Variants in SLIT3 observed in about 807,000 individuals in gnomAD.
The protein encoded by SLIT3 is slit guidance ligand 3.
Under a neutral mutation model 184.0 loss-of-function variants are expected in SLIT3, and 68 were observed. That is an observed-to-expected ratio of 0.37 (90% confidence interval 0.30 to 0.45). SLIT3 has a LOEUF of 0.45. Ranked by LOEUF, SLIT3 falls within the 20% of genes least tolerant of loss-of-function variation. SLIT3 has a pLI of 1.00. For synonymous variants in SLIT3, 831 were observed against 828.6 expected (o/e 1.00, Z -0.05); for missense variants, 1,707 against 2,026.0 (o/e 0.84, Z 3.02).
At chr5:168,976,279 A>T (rs1754754149) in intron 4 of SLIT3, among the ~76,000 whole-genome samples, 2 of 152,146 alleles carry the variant, frequency 1.3e-5, no homozygotes, top group African/African-American at 4.8e-5. Context: ...ACTCTTTTGC[A>T]AACTACAGGT....
chr5:168,743,793 T>A (rs1208966326), intron 20 of SLIT3, among the ~76,000 whole-genome samples: 3 of 152,176 alleles, frequency 2.0e-5, no homozygotes, highest in African/African-American at 7.2e-5. Context: ...AATATACACA[T>A]GAATCATGAG....
chr5:169,112,543 T>C (rs1206509357), intron 4 of SLIT3, among the ~76,000 whole-genome samples: 2 of 152,154 alleles, frequency 1.3e-5, no homozygotes, highest in Non-Finnish European at 2.9e-5. Context: ...AGGTCACTAA[T>C]AGTGTGAGCT....
At chr5:169,284,248 G>A (rs1263913337) in intron 1 of SLIT3, among the ~76,000 whole-genome samples, 1 of 152,172 alleles carries the variant, frequency 6.6e-6, no homozygotes, top group East Asian at 1.9e-4. Context: ...AAAGCCAACA[G>A]GGACAATTAA....
intron 5 of SLIT3, among the ~76,000 whole-genome samples, chr5:168,856,909 C>T (rs999974659): frequency 6.6e-6 from 1 of 151,782 alleles, no homozygotes; most frequent in Non-Finnish European, 1.5e-5. Flanking sequence ...TGCCTTTGAC[C>T]AGAAACCCCT....
intron 3 of SLIT3, among the ~76,000 whole-genome samples, chr5:169,198,525 C>A (rs182602163): frequency 2.3e-4 from 35 of 152,268 alleles, no homozygotes; most frequent in African/African-American, 8.2e-4. Flanking sequence ...AGCAGTCATA[C>A]CACAAAGGGC....
intron 12 of SLIT3, among the ~76,000 whole-genome samples, chr5:168,778,163 C>T (rs1052605887): frequency 6.6e-6 from 1 of 152,192 alleles, no homozygotes; most frequent in Non-Finnish European, 1.5e-5. Context: ...GCAGCATCCT[C>T]TCTACAGACT....
chr5:169,014,230 G>A (rs1756278381), intron 4 of SLIT3, among the ~76,000 whole-genome samples: 1 of 152,282 alleles, frequency 6.6e-6, no homozygotes, highest in Non-Finnish European at 1.5e-5. Context: ...CACTCAAGAA[G>A]ATAATTTTAT....
chr5:168,986,878 A>T (rs1755149711), intron 4 of SLIT3, among the ~76,000 whole-genome samples: 1 of 152,208 alleles, frequency 6.6e-6, no homozygotes, highest in Admixed American at 6.5e-5. Flanking sequence ...TGATATACAC[A>T]TTGTTTACAA....
chr5:169,032,230 CA>C (rs1262332547), intron 4 of SLIT3, among the ~76,000 whole-genome samples: 1 of 152,178 alleles, frequency 6.6e-6, no homozygotes, highest in Admixed American at 6.5e-5. Flanking sequence ...TCCATATATA[CA>C]AAGTAATTAT....
chr5:169,187,743 G>A (rs1200388780), intron 4 of SLIT3, among the ~76,000 whole-genome samples: 2 of 151,534 alleles, frequency 1.3e-5, no homozygotes, highest in Non-Finnish European at 2.9e-5. Context: ...TAGTAGAGAC[G>A]GGGTTTCACC....
rs28532125 is a variant in SLIT3 at position 168,663,291 on chromosome 5, G to A, written c.*3163C>T. 0.072 allele frequency: 10,959 copies of A among 151,862 alleles called. 1,320 individuals are homozygous for A. Among genetic ancestry groups the A allele is most frequent in the African/African-American group, 0.25 (10,315 of 41,078 alleles). The allele number at this position is 151,862 out of a possible 1,614,324, so 9.4% of individuals were successfully genotyped here. On this transcript the variant is annotated 3_prime_UTR_variant, in exon 36 of 36. Coordinates refer to ENST00000519560, the MANE Select transcript of SLIT3 (RefSeq NM_003062.4). ...ATCCACCTGCCTAGGGGGAGAGGGGGGATGGGGCAATGGAGGTGGGGATGG... is the reference window on the plus strand; with the variant it reads ...ATCCACCTGCCTAGGGGGAGAGGGGAGATGGGGCAATGGAGGTGGGGATGG...
chr5:169,102,263 T>A (rs528253412), intron 4 of SLIT3, among the ~76,000 whole-genome samples: 1 of 152,206 alleles, frequency 6.6e-6, no homozygotes, highest in Non-Finnish European at 1.5e-5. Context: ...CCCAGCCAAT[T>A]TGAGGCCACT....
At chr5:169,194,549 T>C (rs1205487502) in intron 3 of SLIT3, among the ~76,000 whole-genome samples, 1 of 152,202 alleles carries the variant, frequency 6.6e-6, no homozygotes, top group Non-Finnish European at 1.5e-5. Flanking sequence ...AATGCAAATA[T>C]ATTATTACAT....
chr5:169,069,320 G>T (rs923986166), intron 4 of SLIT3, among the ~76,000 whole-genome samples: 3 of 152,210 alleles, frequency 2.0e-5, no homozygotes, highest in African/African-American at 4.8e-5. Context: ...GGAGTGACAT[G>T]CACACGACAG....
chr5:168,705,745 G>A (rs1411964294), intron 26 of SLIT3, among the ~76,000 whole-genome samples: 1 of 152,192 alleles, frequency 6.6e-6, no homozygotes, highest in Non-Finnish European at 1.5e-5. Context: ...GACACTGACG[G>A]TCAGGTCATG....
rs1386146563 is a variant in SLIT3, at chr5:168,662,574, A to G, written c.*3880T>C. 1 of 152,264 alleles carries G rather than the reference A, an allele frequency of 6.6e-6. No homozygotes were observed. The highest frequency in any genetic ancestry group is 1.5e-5 in the Non-Finnish European group (1 of 68,052). The allele number at this position is 152,264 out of a possible 1,614,324, so 9.4% of individuals were successfully genotyped here. A position where few individuals can be genotyped will look rare whatever the true frequency, so the allele number is the denominator to read the frequency against. On this transcript the variant is annotated 3_prime_UTR_variant, in exon 36 of 36. Transcript: ENST00000519560. ...ATTGAAAAGGCAAAACTGTCTTCTA[A>G]CAAGGGCCTTTTGGCATGTCCATAA...
chr5:168,669,683 G>T, intron 35 of SLIT3, 100 bp downstream of exon 35: 1 of 939,862 alleles, frequency 1.1e-6, no homozygotes, highest in Non-Finnish European at 1.7e-6. Flanking sequence ...AGGTCATGCA[G>T]CCTTTAAGTG....
intron 1 of SLIT3, among the ~76,000 whole-genome samples, chr5:169,268,005 T>C (rs1452727268): frequency 6.6e-6 from 1 of 152,216 alleles, no homozygotes; most frequent in Non-Finnish European, 1.5e-5. Flanking sequence ...CAATGATTGC[T>C]GCAGGAATAT....
Position 169,047,805 on chromosome 5 carries a change from A to G in SLIT3, c.413+145674T>C, listed in dbSNP as rs1452529857. Among the ~76,000 whole-genome samples the G allele has an allele frequency of 3.9e-5, 6 of 152,048 alleles. No homozygotes were observed. The East Asian group carries it at 9.6e-4, about 24-fold the overall frequency. ...TCCCGCTGTGCTCTGGCAGACCAGG[A>G]TGTAGCTGTAGGTCTATGAGGGTCC... is the stretch of plus-strand genomic sequence containing the variant. On this transcript the variant is annotated intron_variant, in intron 4 of 35. Coordinates refer to ENST00000519560, the MANE Select transcript of SLIT3 (RefSeq NM_003062.4).
Sources: allele counts gnomAD v4.1 joint callset (sites outside exome capture counted in the v4.1 genomes callset), GRCh38; gene constraint gnomAD v4.1.1; transcripts MANE v1.5; gene names NCBI Gene and HGNC (gene_info 2026-07-23, HGNC 2026-07-21).